The following SRPK2 variants were observed in gnomAD, a reference collection of about 807,000 sequenced individuals.
SRPK2 encodes SRSF protein kinase 2.
A neutral mutation model predicts 90.8 loss-of-function variants in SRPK2; 21 were observed. That is an observed-to-expected ratio of 0.23 (90% CI 0.16 to 0.33). The LOEUF (loss-of-function observed/expected upper bound fraction) is 0.33. Ranked by LOEUF, SRPK2 falls within the 10% of genes least tolerant of loss-of-function variation. SRPK2 has a pLI of 1.00. For missense variants in SRPK2, 620 were observed against 869.0 expected, an observed-to-expected ratio of 0.71 and a Z score of 3.60; for synonymous variants, 288 against 311.1, an observed-to-expected ratio of 0.93 and a Z score of 0.78.
chr7:105,252,475 A>C (rs2129631676), intron 2 of SRPK2, among the ~76,000 whole-genome samples: 1 of 152,318 alleles, frequency 6.6e-6, no homozygotes, highest in East Asian at 1.9e-4. Context: ...GAAAAAGTTG[A>C]GTGGTTTTTG....
intron 2 of SRPK2, among the ~76,000 whole-genome samples, chr7:105,372,022 T>G (rs1194943708): frequency 6.6e-6 from 1 of 151,252 alleles, no homozygotes; most frequent in Non-Finnish European, 1.5e-5. Context: ...GTAGTCCCAG[T>G]TACTCAGGAG....
chr7:105,237,555 T>G (rs1358363885), intron 2 of SRPK2, among the ~76,000 whole-genome samples: 1 of 152,198 alleles, frequency 6.6e-6, no homozygotes, highest in Non-Finnish European at 1.5e-5. Flanking sequence ...TAAAAGGAAC[T>G]CTAAATACTA....
chr7:105,192,558 TACTC>T (rs1195226207), intron 3 of SRPK2, among the ~76,000 whole-genome samples: 4 of 152,252 alleles, frequency 2.6e-5, no homozygotes, highest in Non-Finnish European at 5.9e-5. Flanking sequence ...TCTAGGTAGA[TACTC>T]AGTTAGTGGG....
At chr7:105,120,925 A>T (rs902311679) in intron 15 of SRPK2, among the ~76,000 whole-genome samples, 1 of 152,238 alleles carries the variant, frequency 6.6e-6, no homozygotes, top group Non-Finnish European at 1.5e-5. Flanking sequence ...AGCCCTGCAG[A>T]TGATGCCCAA....
chr7:105,213,066 T>C (rs2129613071), intron 2 of SRPK2, among the ~76,000 whole-genome samples: 1 of 152,330 alleles, frequency 6.6e-6, no homozygotes, highest in South Asian at 2.1e-4. Flanking sequence ...TGAGCATCCA[T>C]GGATTTTGGT....
At chr7:105,173,252 A>C (rs1305106258) in intron 3 of SRPK2, among the ~76,000 whole-genome samples, 1 of 152,154 alleles carries the variant, frequency 6.6e-6, no homozygotes, top group African/African-American at 2.4e-5. Flanking sequence ...CAAGAAGTAC[A>C]TGCCACCATG....
chr7:105,279,842 A>T (rs1271511756), intron 2 of SRPK2, among the ~76,000 whole-genome samples: 1 of 152,200 alleles, frequency 6.6e-6, no homozygotes, highest in African/African-American at 2.4e-5. Flanking sequence ...AGACAGTAGA[A>T]GTAACACAAG....
At chr7:105,339,548 T>C (rs1051021595) in intron 2 of SRPK2, among the ~76,000 whole-genome samples, 1 of 152,230 alleles carries the variant, frequency 6.6e-6, no homozygotes, top group Non-Finnish European at 1.5e-5. Context: ...ACAGCAGTCC[T>C]GAACACTGAG....
chr7:105,213,553 A>T (rs1435830963), intron 2 of SRPK2, among the ~76,000 whole-genome samples: 1 of 152,100 alleles, frequency 6.6e-6, no homozygotes, highest in Non-Finnish European at 1.5e-5. Context: ...ATAGTCAAGG[A>T]CCCCTACTAT....
chr7:105,172,987 T>C (rs536005421), intron 3 of SRPK2, among the ~76,000 whole-genome samples: 13 of 152,348 alleles, frequency 8.5e-5, no homozygotes, highest in South Asian at 2.1e-4. Context: ...AGTGTAAGCA[T>C]AGCAGCTCCT....
At chr7:105,339,524 A>C (rs1477517599) in intron 2 of SRPK2, among the ~76,000 whole-genome samples, 1 of 152,260 alleles carries the variant, frequency 6.6e-6, no homozygotes, top group Non-Finnish European at 1.5e-5. Context: ...ATCCAGAAGA[A>C]TTCAGAGGAA....
Position 105,164,396 on chromosome 7 carries a change from T to C in SRPK2, c.514+2981A>G, listed in dbSNP as rs78026326. The stretch of plus-strand genomic sequence containing the variant: ...AAACGAGGGCAATTTTGTGAAGAGT[T>C]TCAGTGGAAACTCATTAGACATCCA... On this transcript the variant is annotated intron_variant, in intron 6 of 15. Transcript: ENST00000393651. 8.2e-3 allele frequency among the ~76,000 whole-genome samples: 1,249 copies of C among 152,330 alleles called. 24 individuals carry two copies. Among genetic ancestry groups the C allele is most frequent in the African/African-American group, 0.029 (1,198 of 41,578 alleles).
At chr7:105,369,125 TTTATTATTATTA>T (rs10593124) in intron 2 of SRPK2, among the ~76,000 whole-genome samples, 62,575 of 143,188 alleles carry the variant, frequency 0.44, 15,135 homozygotes, top group Non-Finnish European at 0.54. Context: ...CAAGATTTAT[TTTATTATTATTA>T]TTATTATTAT....
At chr7:105,165,314 A>G (rs1408319237) in intron 6 of SRPK2, among the ~76,000 whole-genome samples, 1 of 152,228 alleles carries the variant, frequency 6.6e-6, no homozygotes, top group East Asian at 1.9e-4. Context: ...AAAAGAAAGG[A>G]AAGTCAAGGG....
chr7:105,253,916 A>C (rs566919441), intron 2 of SRPK2, among the ~76,000 whole-genome samples: 21 of 152,288 alleles, frequency 1.4e-4, no homozygotes, highest in South Asian at 1.0e-3. Context: ...AACAAACAAA[A>C]AAAAACAAGC....
At chr7:105,310,418 G>A (rs1811578489) in intron 2 of SRPK2, among the ~76,000 whole-genome samples, 1 of 152,078 alleles carries the variant, frequency 6.6e-6, no homozygotes, top group African/African-American at 2.4e-5. Flanking sequence ...TGGGCGTGGT[G>A]GCTCACCTGA....
At chr7:105,196,420 G>A (rs928292651) in intron 3 of SRPK2, among the ~76,000 whole-genome samples, 7 of 152,156 alleles carry the variant, frequency 4.6e-5, no homozygotes, top group Admixed American at 3.3e-4. Flanking sequence ...GACAAAAACA[G>A]GCATTTCTAT....
Position 105,117,681 on chromosome 7 carries a change from A to C in SRPK2, c.*157T>G. ...ACCCTTCCCCAGGATCACAGTGCAC[A>C]AAAAGCAAAATGTCAAACAACAGTA... On this transcript the variant is annotated 3_prime_UTR_variant, in exon 16 of 16. Transcript: ENST00000393651. The C allele has an allele frequency of 1.3e-6, 1 of 787,560 alleles. No individual in the cohort carries two copies. The allele number at this position is 787,560 out of a possible 1,614,324, so 48.8% of individuals were successfully genotyped here.
In SRPK2 at chr7:105,117,562, G is replaced by A; in HGVS notation, c.*276C>T. On this transcript the variant is annotated 3_prime_UTR_variant, in exon 16 of 16. Transcript: ENST00000393651. The stretch of plus-strand genomic sequence containing the variant: ...TTTTTCATTCAAAAAAATGACATTT[G>A]AATGTCACACAACACAAGAAACAAT... 2.6e-6 allele frequency: 1 copy of A among 385,468 alleles called. No homozygotes were observed. The highest frequency in any genetic ancestry group is 4.9e-5 in the East Asian group (1 of 20,298). 23.9% of individuals were successfully genotyped at this position (385,468 alleles called of 1,614,324 possible). A position where few individuals can be genotyped will look rare whatever the true frequency, so the allele number is the denominator to read the frequency against.
Sources: allele counts gnomAD v4.1 joint callset (sites outside exome capture counted in the v4.1 genomes callset), GRCh38; gene constraint gnomAD v4.1.1; transcripts MANE v1.5; gene names NCBI Gene and HGNC (gene_info 2026-07-23, HGNC 2026-07-21).